The following SEMA3A variants were observed in gnomAD, a reference collection of about 807,000 sequenced individuals.
SEMA3A encodes semaphorin-3A.
Under a neutral mutation model 97.9 loss-of-function variants are expected in SEMA3A, and 29 were observed. That is an observed-to-expected ratio of 0.30 (90% confidence interval 0.22 to 0.40). The LOEUF (loss-of-function observed/expected upper bound fraction) is 0.40, where lower values mean the gene tolerates loss of function less well. Ranked by LOEUF, SEMA3A falls within the 10% of genes least tolerant of loss-of-function variation. SEMA3A has a pLI of 1.00. For synonymous variants in SEMA3A, 321 were observed against 323.7 expected (o/e 0.99, Z 0.09); for missense variants, 763 against 951.3 (o/e 0.80, Z 2.60).
At chr7:84,425,438 G>GCATATATTTATATGCATATAAATATAT (rs1396004921) in intron 1 of SEMA3A, among the ~76,000 whole-genome samples, 2 of 124,878 alleles carry the variant, frequency 1.6e-5, no homozygotes, top group African/African-American at 5.8e-5. Flanking sequence ...TATAAATATA[G>GCATATATTTATATGCATATAAATATAT]GCATATATTT....
chr7:84,145,525 G>C (rs1796436774), intron 1 of SEMA3A, among the ~76,000 whole-genome samples: 1 of 151,992 alleles, frequency 6.6e-6, no homozygotes, highest in Non-Finnish European at 1.5e-5. Context: ...TGCTAATTAA[G>C]TTATAAATTA....
chr7:84,018,550 A>G (rs942037858), intron 6 of SEMA3A, among the ~76,000 whole-genome samples: 10 of 152,202 alleles, frequency 6.6e-5, no homozygotes, highest in Non-Finnish European at 1.5e-4. Flanking sequence ...AAAAAATGCC[A>G]TGGGAGATAG....
chr7:84,217,568 A>G lies in SEMA3A; in HGVS notation c.-82-22900T>C, dbSNP rs547736495. Among the ~76,000 whole-genome samples the G allele has an allele frequency of 1.1e-4, 17 of 152,224 alleles. No homozygotes were observed. The East Asian group carries it at 3.3e-3, about 29-fold the overall frequency. ...CATTTTGAAAAGATGAAGGGAAAAG[A>G]TGGGGTATGAAGAGGGAATCACAGA... On this transcript the variant is annotated intron_variant, in intron 3 of 3. Coordinates refer to the SEMA3A transcript ENST00000424555.
intron 1 of SEMA3A, among the ~76,000 whole-genome samples, chr7:84,152,944 T>A (rs1252183336): frequency 6.6e-6 from 1 of 152,158 alleles, no homozygotes; most frequent in African/African-American, 2.4e-5. Context: ...TTCCCAATTA[T>A]AACTGTTATT....
chr7:84,168,038 C>T (rs1017504627), intron 1 of SEMA3A, among the ~76,000 whole-genome samples: 2 of 152,060 alleles, frequency 1.3e-5, no homozygotes, highest in Non-Finnish European at 2.9e-5. Context: ...GATTATAAAA[C>T]CATATCTCAC....
intron 1 of SEMA3A, among the ~76,000 whole-genome samples, chr7:84,460,884 C>T (rs1458996792): frequency 1.3e-5 from 2 of 152,182 alleles, no homozygotes; most frequent in East Asian, 1.9e-4. Flanking sequence ...CACCTAAATA[C>T]TCCAAAGTGC....
intron 4 of SEMA3A, among the ~76,000 whole-genome samples, chr7:84,091,285 AAAG>A (rs1261304293): frequency 7.7e-6 from 1 of 130,570 alleles, no homozygotes; most frequent in African/African-American, 2.5e-5. Flanking sequence ...GAAAAGAAAG[AAAG>A]AAAGAAAAAG....
At chr7:84,194,796 GAAAA>G (rs36048075), upstream of SEMA3A, 377 of 158,108 alleles carry the variant, frequency 2.4e-3, no homozygotes, top group Non-Finnish European at 3.3e-3. Flanking sequence ...CCTCCAAAAA[GAAAA>G]AAAAAAAAAA....
intron 1 of SEMA3A, among the ~76,000 whole-genome samples, chr7:84,403,050 C>A (rs759247205): frequency 1.2e-4 from 18 of 152,002 alleles, no homozygotes; most frequent in Non-Finnish European, 2.4e-4. Context: ...AGAGTGGGTG[C>A]AGGACAGTGG....
At position 84,005,315 on chromosome 7, in the gene SEMA3A, T is replaced by C. The variant is rs758445514; in HGVS notation, c.1360+24A>G. 9 of 1,562,392 alleles carry C rather than the reference T, an allele frequency of 5.8e-6. No homozygotes were observed. In the South Asian group the frequency reaches 1.0e-4, roughly 17 times the overall value. Reference sequence around the variant, plus strand: ...TAAACATAGTGTTCGGAAAAAAGTTTACAGCTGAAATTTAAAAATTTACCT... The same window carrying C: ...TAAACATAGTGTTCGGAAAAAAGTTCACAGCTGAAATTTAAAAATTTACCT... On this transcript the variant is annotated intron_variant, in intron 11 of 16. Coordinates refer to ENST00000265362, the MANE Select transcript of SEMA3A (RefSeq NM_006080.3).
At chr7:84,064,511 T>A (rs1793395784) in intron 4 of SEMA3A, among the ~76,000 whole-genome samples, 1 of 152,086 alleles carries the variant, frequency 6.6e-6, no homozygotes, top group African/African-American at 2.4e-5. Context: ...CAGTGTGCTG[T>A]ACTCAGGAAA....
intron 5 of SEMA3A, among the ~76,000 whole-genome samples, chr7:84,049,366 T>C (rs1792496341): frequency 1.3e-5 from 2 of 152,110 alleles, no homozygotes; most frequent in African/African-American, 4.8e-5. Flanking sequence ...GTGAGGGTTC[T>C]ATGGGGAGTC....
At chr7:84,088,774 G>A (rs1179733884) in intron 4 of SEMA3A, among the ~76,000 whole-genome samples, 1 of 152,192 alleles carries the variant, frequency 6.6e-6, no homozygotes, top group African/African-American at 2.4e-5. Context: ...TGAAATAGTA[G>A]TTGGAGAATT....
intron 1 of SEMA3A, among the ~76,000 whole-genome samples, chr7:84,409,601 C>G (rs947148744): frequency 2.9e-4 from 44 of 152,060 alleles, no homozygotes; most frequent in African/African-American, 1.0e-3. Context: ...TTCTCTGAAA[C>G]GTATTTAACC....
chr7:84,418,238 C>T (rs76547390), intron 1 of SEMA3A, among the ~76,000 whole-genome samples: 2,540 of 152,198 alleles, frequency 0.017, 48 homozygotes, highest in Non-Finnish European at 0.024. Flanking sequence ...ACACACAGTT[C>T]CACCTGACTG....
rs142109587 is a variant in SEMA3A at position 83,961,682 on chromosome 7, C to T, written c.2005G>A (p.Asp669Asn). 1 of 1,613,630 alleles carries T rather than the reference C, an allele frequency of 6.2e-7. No individual in the cohort carries two copies. Among genetic ancestry groups the T allele is most frequent in the African/African-American group, 1.3e-5 (1 of 74,884 alleles). The change falls in exon 17 of 17, where the codon GAC (aspartate) becomes AAC (asparagine). Residue 669 changes from aspartate to asparagine, a missense_variant. By Grantham distance (23) the Asp-to-Asn change is conservative. Transcript: ENST00000265362. ...AGAAGTTCTTCCAAATGCTCTGTGT[C>T]AATGACTTCCAGGGTTACCTTAAGA... ...TLLKVTLEVIDTEHLEELLHK... is the reference protein window; with the variant it reads ...TLLKVTLEVINTEHLEELLHK...
chr7:84,287,210 C>A (rs1448904950), intron 3 of SEMA3A, among the ~76,000 whole-genome samples: 1 of 151,924 alleles, frequency 6.6e-6, no homozygotes, highest in Admixed American at 6.6e-5. Context: ...ATTTTTCAAG[C>A]TTTATTGAGG....
At position 84,295,851 on chromosome 7, in the gene SEMA3A, A is replaced by T. The variant is rs187438927; in HGVS notation, c.-83+11356T>A. ...CCAATATATTGAGGGTAATGATTGT[A>T]AAAGCTTTTGATAACATATTACCAT... On this transcript the variant is annotated intron_variant, in intron 3 of 3. Coordinates refer to the SEMA3A transcript ENST00000424555. Among the ~76,000 whole-genome samples the T allele has an allele frequency of 5.4e-4, 82 of 152,254 alleles. No homozygotes were observed. In the East Asian group the frequency reaches 0.012, roughly 23 times the overall value.
intron 1 of SEMA3A, among the ~76,000 whole-genome samples, chr7:84,155,601 T>C (rs1480549023): frequency 6.6e-6 from 1 of 152,148 alleles, no homozygotes; most frequent in African/African-American, 2.4e-5. Context: ...GCATTACTTG[T>C]TTCTGCTTTA....
Sources: allele counts gnomAD v4.1 joint callset (sites outside exome capture counted in the v4.1 genomes callset), GRCh38; gene constraint gnomAD v4.1.1; transcripts MANE v1.5; gene names NCBI Gene and HGNC (gene_info 2026-07-23, HGNC 2026-07-21).